The following SMC3 variants were observed in gnomAD, a reference collection of about 807,000 sequenced individuals.
The protein encoded by SMC3 is structural maintenance of chromosomes 3.
SMC3 carries 20 observed loss-of-function variants against 171.8 expected under a neutral mutation model. The ratio of observed to expected loss-of-function variants is 0.12; its 90% CI spans 0.08 to 0.17. The LOEUF is 0.17. Ranked by LOEUF, SMC3 falls within the 10% of genes least tolerant of loss-of-function variation. SMC3 has a pLI of 1.00. For synonymous variants in SMC3, 464 were observed against 451.1 expected (o/e 1.03, Z -0.36); for missense variants, 543 against 1,420.4 (o/e 0.38, Z 9.93).
rs117553447 is a variant in SMC3, at chr10:110,605,480, G to C, written c.*1178G>C. 6.6e-6 allele frequency among the ~76,000 whole-genome samples: 1 copy of C among 152,084 alleles called. No individual in the cohort carries two copies. The highest frequency in any genetic ancestry group is 1.9e-4 in the East Asian group (1 of 5,202). ...ATACTGGTTATCTGCAGGAGAATTT[G>C]TTAGGAGCTACTCTTCCATCATTGG... On this transcript the variant is annotated 3_prime_UTR_variant, in exon 29 of 29. Transcript: ENST00000361804.
intron 7 of SMC3, among the ~76,000 whole-genome samples, chr10:110,580,187 T>C (rs1349510338): frequency 6.6e-6 from 1 of 152,218 alleles, no homozygotes; most frequent in Non-Finnish European, 1.5e-5. Flanking sequence ...ATGCAAATAC[T>C]ATGCCATTTT....
intron 19 of SMC3, 40 bp downstream of exon 19, chr10:110,596,590 G>A (rs754963500): frequency 1.3e-6 from 2 of 1,585,290 alleles, no homozygotes; most frequent in East Asian, 4.5e-5. Flanking sequence ...ATATTGTGGG[G>A]GAAGAACTGT....
chr10:110,571,722 G>GT (rs1860875996), intron 2 of SMC3, among the ~76,000 whole-genome samples: 1 of 151,870 alleles, frequency 6.6e-6, no homozygotes, highest in South Asian at 2.1e-4. Context: ...TATAAACTGT[G>GT]TTTACCTCAG....
intron 19 of SMC3, among the ~76,000 whole-genome samples, chr10:110,597,528 G>GCAGATGTGCT (rs1861319028): frequency 6.6e-6 from 1 of 152,214 alleles, no homozygotes; most frequent in Non-Finnish European, 1.5e-5. Context: ...TATAACTTCT[G>GCAGATGTGCT]TGCCATCAGT....
At chr10:110,601,163 T>G (rs377157845) in intron 23 of SMC3, 33 bp downstream of exon 23, 5 of 1,452,024 alleles carry the variant, frequency 3.4e-6, no homozygotes, top group Middle Eastern at 1.7e-4. Context: ...TTTGTTTATA[T>G]GCATGTTTTA....
chr10:110,577,649 G>A (rs1860972036), intron 5 of SMC3, among the ~76,000 whole-genome samples, 157 bp downstream of exon 5: 1 of 152,214 alleles, frequency 6.6e-6, no homozygotes, highest in Non-Finnish European at 1.5e-5. Context: ...GTTAACAAAT[G>A]GGAATGTACA....
In SMC3 at chr10:110,602,866, A is replaced by G. The variant is rs189703529; in HGVS notation, c.3339A>G (p.Gln1113=). The change falls in exon 27 of 29, where the codon CAA becomes CAG. Residue 1113 remains glutamine (Q), a synonymous_variant. Coordinates refer to ENST00000361804, the MANE Select transcript of SMC3 (RefSeq NM_005445.4). ...TGKQGEMREM[Q]QLSGGQKSLV... is the part of the protein sequence containing the mutation. ...AACAAGGTGAAATGAGAGAAATGCAACAGCTTTCAGGTGGACAGAAATCCT... is the reference window on the plus strand; with the variant it reads ...AACAAGGTGAAATGAGAGAAATGCAGCAGCTTTCAGGTGGACAGAAATCCT... 64 of 1,614,084 alleles carry G rather than the reference A, an allele frequency of 4.0e-5. No homozygotes were observed. The Admixed American group carries it at 1.0e-3, about 26-fold the overall frequency.
chr10:110,592,804 G>A (rs1156525158), intron 17 of SMC3, among the ~76,000 whole-genome samples: 1 of 152,140 alleles, frequency 6.6e-6, no homozygotes, highest in African/African-American at 2.4e-5. Context: ...ATGGTGAAAC[G>A]AGTGTTTGAA....
At position 110,581,814 on chromosome 10, in the gene SMC3, AAAT is replaced by A. The variant is rs545442750; in HGVS notation, c.548-105_548-103del. On this transcript the variant is annotated intron_variant, in intron 8 of 28. Transcript: ENST00000361804. ...ATTGGGTTACCACATCACATCAAAG[AAAT>A]AATGCTACAGTTCTTAAAAATAATT... The A allele has an allele frequency of 1.1e-5, 12 of 1,048,542 alleles. No individual in the cohort carries two copies. In the East Asian group the frequency reaches 2.8e-4, roughly 24 times the overall value. 65.0% of individuals were successfully genotyped at this position (1,048,542 alleles called of 1,614,324 possible).
rs1861461545 is a variant in SMC3, at chr10:110,605,873, C to T, written c.*1571C>T. Among the ~76,000 whole-genome samples the T allele has an allele frequency of 2.0e-5, 3 of 152,102 alleles. No individual in the cohort carries two copies. The highest frequency in any genetic ancestry group is 2.9e-5 in the Non-Finnish European group (2 of 68,014). ...AGAGTTGCTCTGATATGACCAACCC[C>T]TTATAATACAGAATTTGGTGTAAGG... On this transcript the variant is annotated 3_prime_UTR_variant, in exon 29 of 29. Coordinates refer to ENST00000361804, the MANE Select transcript of SMC3 (RefSeq NM_005445.4).
chr10:110,575,474 A>C (rs1397935689), intron 4 of SMC3, 71 bp downstream of exon 4: 1 of 1,106,842 alleles, frequency 9.0e-7, no homozygotes, highest in Non-Finnish European at 1.4e-6. Flanking sequence ...ATGCTGGTTA[A>C]AAAAGCATTT....
In SMC3 at chr10:110,599,674, G is replaced by A. The variant is rs1861357246; in HGVS notation, c.2289G>A (p.Leu763=). ...FMPKQRSLQS[L]EASLHAMEST... is the part of the protein sequence containing the mutation. Reference sequence around the variant, plus strand: ...TATAGCAACGTAGCTTACAGAGTTTGGAGGCAAGCTTGCATGCTATGGAGT... The same window carrying A: ...TATAGCAACGTAGCTTACAGAGTTTAGAGGCAAGCTTGCATGCTATGGAGT... Residue 763 remains leucine (L), a synonymous_variant, in exon 21 of 29, where the codon TTG becomes TTA. Coordinates refer to ENST00000361804, the MANE Select transcript of SMC3 (RefSeq NM_005445.4). The A allele has an allele frequency of 6.2e-7, 1 of 1,614,052 alleles. No homozygotes were observed. The highest frequency in any genetic ancestry group is 8.5e-7 in the Non-Finnish European group (1 of 1,179,934).
At chr10:110,583,768 TG>T (rs1336028772) in intron 11 of SMC3, 72 bp from the exon 12 acceptor site, 1 of 1,540,320 alleles carries the variant, frequency 6.5e-7, no homozygotes, top group African/African-American at 1.4e-5. Flanking sequence ...GTTTTTTTCC[TG>T]AGAAAACATT....
At chr10:110,578,728 T>TTTAA (rs1860991680) in intron 7 of SMC3, 22 bp downstream of exon 7, 2 of 1,534,310 alleles carry the variant, frequency 1.3e-6, no homozygotes, top group African/African-American at 1.4e-5. Flanking sequence ...GTATGTCCTT[T>TTTAA]TTAAGTAGAA....
Position 110,589,668 on chromosome 10 carries a change from G to A in SMC3, c.1369G>A (p.Glu457Lys). The A allele has an allele frequency of 1.2e-6, 2 of 1,609,784 alleles. No individual in the cohort carries two copies. The highest frequency in any genetic ancestry group is 1.7e-6 in the Non-Finnish European group (2 of 1,176,624). ...AGAAGAACTGGACAGAAAATATTAC[G>A]AAGTAAAAAATAAGAAAGATGAACT... is the stretch of plus-strand genomic sequence containing the variant. The part of the protein sequence containing the change: ...RVEELDRKYY[E>K]VKNKKDELQS... The change falls in exon 14 of 29, where the codon GAA (glutamate) becomes AAA (lysine). Residue 457 changes from glutamate to lysine, a missense_variant. By Grantham distance (56) the Glu-to-Lys change is moderately conservative. This residue lies in a region of SMC3 where 218 missense variants were observed against 509.6 expected (regional missense o/e 0.43). Transcript: ENST00000361804.
chr10:110,572,313 T>G (rs1363199013), intron 2 of SMC3, among the ~76,000 whole-genome samples: 2 of 152,228 alleles, frequency 1.3e-5, no homozygotes, highest in Non-Finnish European at 2.9e-5. Context: ...TACATAGTAA[T>G]CTGTCCATTT....
At chr10:110,571,366 G>C (rs962031436) in intron 2 of SMC3, among the ~76,000 whole-genome samples, 6 of 152,224 alleles carry the variant, frequency 3.9e-5, no homozygotes, top group African/African-American at 1.4e-4. Context: ...TTGCAGTCAT[G>C]TTAAATAACT....
rs1314731925 is a variant in SMC3, at chr10:110,581,277, G to A, written c.547+256G>A. On this transcript the variant is annotated intron_variant, in intron 8 of 28. Coordinates refer to ENST00000361804, the MANE Select transcript of SMC3 (RefSeq NM_005445.4). ...CTGTCACCCAGGCTGGAGTGCAGTG[G>A]CGCGATCTCTGCTTATTGCAACCTC... is the stretch of plus-strand genomic sequence containing the variant. Among the ~76,000 whole-genome samples, 3 of 148,934 alleles carry A rather than the reference G, an allele frequency of 2.0e-5. No homozygotes were observed. In the Admixed American group the frequency reaches 2.0e-4, roughly 10 times the overall value.
intron 17 of SMC3, 148 bp from the exon 18 acceptor site, chr10:110,592,925 C>G: frequency 1.2e-5 from 9 of 720,916 alleles, no homozygotes. Context: ...TGGAATGAGT[C>G]TTCTAACTAC....
Sources: gnomAD v4.1 joint callset for allele counts (sites outside exome capture counted in the v4.1 genomes callset) on GRCh38, gnomAD v4.1.1 for gene constraint, gnomAD v4.1.1 regional missense constraint, MANE v1.5 for transcripts, NCBI Gene and HGNC (gene_info 2026-07-23, HGNC 2026-07-21) for gene names.